The following RBFOX1 variants were observed in gnomAD, a reference collection of about 807,000 sequenced individuals.
RBFOX1 encodes the protein RNA binding fox-1 homolog 1.
In RBFOX1, 8 loss-of-function variants were observed where a neutral mutation model predicts 57.7. That is an observed-to-expected ratio of 0.14 (90% CI 0.08 to 0.25). RBFOX1 has a LOEUF of 0.25. RBFOX1 is among the 10% of genes least tolerant of loss of function. RBFOX1 has a pLI of 1.00. For missense variants in RBFOX1, 611 were observed against 548.5 expected (o/e 1.11, Z -1.14); for synonymous variants, 326 against 222.4 (o/e 1.47, Z -4.15).
At chr16:6,841,814 A>G (rs2093477609) in intron 3 of RBFOX1, among the ~76,000 whole-genome samples, 1 of 152,060 alleles carries the variant, frequency 6.6e-6, no homozygotes, top group South Asian at 2.1e-4. Flanking sequence ...TCTTCATGTG[A>G]ATGTTCTTCA....
At chr16:5,985,685 G>A (rs1247604415) in intron 4 of RBFOX1, among the ~76,000 whole-genome samples, 1 of 152,074 alleles carries the variant, frequency 6.6e-6, no homozygotes, top group East Asian at 1.9e-4. Context: ...CATTTGGGAA[G>A]GTGTTTGTGA....
At chr16:6,201,419 C>G (rs907730294) in intron 1 of RBFOX1, among the ~76,000 whole-genome samples, 3 of 152,126 alleles carry the variant, frequency 2.0e-5, no homozygotes, top group East Asian at 1.9e-4. Context: ...GCATTCTCAA[C>G]AACAGCGTAT....
chr16:7,523,911 C>A, intron 5 of RBFOX1, among the ~76,000 whole-genome samples: 1 of 152,150 alleles, frequency 6.6e-6, no homozygotes, highest in East Asian at 1.9e-4. Flanking sequence ...TGTACCTTGT[C>A]TTCACTCCAG....
At chr16:7,451,750 C>G (rs1185614704) in intron 4 of RBFOX1, among the ~76,000 whole-genome samples, 1 of 136,624 alleles carries the variant, frequency 7.3e-6, no homozygotes, top group Non-Finnish European at 1.5e-5. Flanking sequence ...ACATTTATTT[C>G]TCATTTTGTA....
At chr16:5,431,475 A>G (rs148237107) in intron 1 of RBFOX1, among the ~76,000 whole-genome samples, 1,672 of 152,102 alleles carry the variant, frequency 0.011, 37 homozygotes, top group African/African-American at 0.038. Context: ...CCTGGGTTCA[A>G]GCAATTCTTC....
At chr16:6,837,976 CTTT>C in intron 3 of RBFOX1, among the ~76,000 whole-genome samples, 1 of 151,234 alleles carries the variant, frequency 6.6e-6, no homozygotes, top group Non-Finnish European at 1.5e-5. Context: ...GTTACCACCC[CTTT>C]CCATGGCAAT....
In RBFOX1 at chr16:6,932,734, T is replaced by C. The variant is rs1267674803; in HGVS notation, c.-15-119323T>C. 3.3e-5 allele frequency among the ~76,000 whole-genome samples: 5 copies of C among 152,230 alleles called. No homozygotes were observed. The East Asian group carries it at 9.6e-4, about 29-fold the overall frequency. ...TTCTGTTAAATTTGTTTTTGAGTTG[T>C]GTGAAATAAATACAATGTAAAATTT... On this transcript the variant is annotated intron_variant, in intron 3 of 15. Transcript: ENST00000550418.
At chr16:6,613,222 G>T (rs2098092832) in intron 2 of RBFOX1, among the ~76,000 whole-genome samples, 1 of 152,050 alleles carries the variant, frequency 6.6e-6, no homozygotes, top group Admixed American at 6.6e-5. Flanking sequence ...CCCCCACTGT[G>T]CACTTCCCTT....
intron 2 of RBFOX1, among the ~76,000 whole-genome samples, chr16:6,434,656 G>A (rs1397305260): frequency 1.3e-5 from 2 of 152,184 alleles, no homozygotes; most frequent in Non-Finnish European, 2.9e-5. Flanking sequence ...TGCACCATCT[G>A]TAAATATGAT....
At chr16:6,143,098 C>T (rs1412507682) in intron 1 of RBFOX1, among the ~76,000 whole-genome samples, 1 of 152,182 alleles carries the variant, frequency 6.6e-6, no homozygotes, top group East Asian at 1.9e-4. Flanking sequence ...GAAGTTAAAA[C>T]CAGTAAGCTC....
chr16:7,052,807 C>G (rs2050567969), intron 4 of RBFOX1, among the ~76,000 whole-genome samples: 1 of 152,032 alleles, frequency 6.6e-6, no homozygotes, highest in African/African-American at 2.4e-5. Flanking sequence ...GATTTCTTCC[C>G]ATTTGTTTTC....
rs1453524224 is a variant in RBFOX1, at chr16:6,256,167, A to G, written c.-126-60828A>G. Among the ~76,000 whole-genome samples, 2 of 13,090 alleles carry G rather than the reference A, an allele frequency of 1.5e-4. 1 individual carries two copies. Among genetic ancestry groups the G allele is most frequent in the East Asian group, 0.03 (2 of 66 alleles). 8.6% of individuals were successfully genotyped at this position (13,090 alleles called of 152,430 possible). ...TGTATATATATATATATGTATATAT[A>G]TATGTATATATATATATACGTATAT... On this transcript the variant is annotated intron_variant, in intron 1 of 15. Coordinates refer to ENST00000550418, the MANE Select transcript of RBFOX1 (RefSeq NM_018723.4).
In RBFOX1 at chr16:7,510,262, A is replaced by G. The variant is rs542570585; in HGVS notation, c.28-7885A>G. 6 of 985,846 alleles carry G rather than the reference A, an allele frequency of 6.1e-6. No individual in the cohort carries two copies. In the East Asian group the frequency reaches 5.7e-4, roughly 93 times the overall value. 61.1% of individuals were successfully genotyped at this position (985,846 alleles called of 1,614,324 possible). A position where few individuals can be genotyped will look rare whatever the true frequency, so the allele number is the denominator to read the frequency against. Reference sequence around the variant, plus strand: ...GGCAGATGCTTTGTGGTGTGGGACAAGAACAGCTGCTAAGTTTATGGAGGA... The same window carrying G: ...GGCAGATGCTTTGTGGTGTGGGACAGGAACAGCTGCTAAGTTTATGGAGGA... On this transcript the variant is annotated intron_variant, in intron 4 of 15. Transcript: ENST00000550418.
chr16:5,349,576 G>A (rs1424460138), intron 1 of RBFOX1, among the ~76,000 whole-genome samples: 1 of 149,428 alleles, frequency 6.7e-6, no homozygotes, highest in African/African-American at 2.5e-5. Context: ...AGGAGGCGGA[G>A]GCAGGAGAAT....
intron 1 of RBFOX1, among the ~76,000 whole-genome samples, chr16:5,427,450 T>G (rs2067595676): frequency 6.6e-6 from 1 of 152,066 alleles, no homozygotes; most frequent in African/African-American, 2.4e-5. Context: ...CCAGGCATAG[T>G]GGCACGTGCC....
chr16:7,709,062 A>G lies in RBFOX1; in HGVS notation c.1002A>G (p.Gly334=). 6.2e-7 allele frequency: 1 copy of G among 1,613,346 alleles called. No individual in the cohort carries two copies. The highest frequency in any genetic ancestry group is 8.5e-7 in the Non-Finnish European group (1 of 1,179,418). The change falls in exon 15 of 16, where the codon GGA becomes GGG. Residue 334 remains glycine, a synonymous_variant. Coordinates refer to ENST00000550418, the MANE Select transcript of RBFOX1 (RefSeq NM_018723.4). ...ATAAAYSDSY[G]RVYAADPYHH... is the part of the protein sequence containing the mutation. ...ACCTCTATTTTCCTTTCAGTTACGG[A>G]CGAGTTTATGCTGCCGACCCCTACC...
At chr16:7,403,576 CT>C (rs1285908372) in intron 4 of RBFOX1, among the ~76,000 whole-genome samples, 3 of 79,970 alleles carry the variant, frequency 3.8e-5, no homozygotes, top group Admixed American at 1.1e-4. Flanking sequence ...CCCCCCCCCA[CT>C]TTTTTTTTGC....
intron 3 of RBFOX1, among the ~76,000 whole-genome samples, chr16:5,828,648 G>A (rs1399260625): frequency 2.0e-5 from 3 of 151,914 alleles, no homozygotes; most frequent in East Asian, 1.9e-4. Context: ...GCAGTGAGCC[G>A]AGATCATGCT....
In RBFOX1 at chr16:7,156,190, C is replaced by G. The variant is rs755794919; in HGVS notation, c.27+104092C>G. On this transcript the variant is annotated intron_variant, in intron 4 of 15. Coordinates refer to ENST00000550418, the MANE Select transcript of RBFOX1 (RefSeq NM_018723.4). ...TGGCCGATCCCTCAACTCTTGATTCCTTTCTCAAGACTTGCTACTCTGGAA... is the reference window on the plus strand; with the variant it reads ...TGGCCGATCCCTCAACTCTTGATTCGTTTCTCAAGACTTGCTACTCTGGAA... Among the ~76,000 whole-genome samples the G allele has an allele frequency of 3.3e-5, 5 of 151,144 alleles. No homozygotes were observed. The East Asian group carries it at 7.7e-4, about 23-fold the overall frequency.
Sources: gnomAD v4.1 joint callset for allele counts (sites outside exome capture counted in the v4.1 genomes callset) on GRCh38, gnomAD v4.1.1 for gene constraint, MANE v1.5 for transcripts, NCBI Gene and HGNC (gene_info 2026-07-23, HGNC 2026-07-21) for gene names.